Variants in CHD9NB observed in about 807,000 individuals in gnomAD.
The protein encoded by CHD9NB is CHD9 neighbor, also known as CHD9 neighbor protein.
At chr16:53,052,497 A>T in the CHD9NB span, among the ~76,000 whole-genome samples, 1 of 152,212 alleles carries the variant, frequency 6.6e-6, no homozygotes, top group South Asian at 2.1e-4. Context: ...AGATCTGTTG[A>T]TAACTCTGCA....
the CHD9NB span, among the ~76,000 whole-genome samples, chr16:53,038,460 G>A: frequency 1.3e-5 from 2 of 151,534 alleles, no homozygotes; most frequent in African/African-American, 4.9e-5. Context: ...CAATTCTCCT[G>A]CCTCAGCCTC....
the CHD9NB span, chr16:53,043,722 T>C: frequency 1.1e-5 from 3 of 274,130 alleles, no homozygotes; most frequent in Non-Finnish European, 1.4e-5. Flanking sequence ...GAGGCTTGTC[T>C]GCATCCAGAA....
At chr16:53,042,224 C>A in the CHD9NB span, among the ~76,000 whole-genome samples, 1 of 151,282 alleles carries the variant, frequency 6.6e-6, no homozygotes, top group Non-Finnish European at 1.5e-5. Flanking sequence ...TTCCTTCTCG[C>A]CCACCCTCTC....
chr16:53,038,864 G>C, the CHD9NB span, among the ~76,000 whole-genome samples: 1 of 152,162 alleles, frequency 6.6e-6, no homozygotes, highest in African/African-American at 2.4e-5. Context: ...GATTAAATGA[G>C]TTCTATATGT....
the CHD9NB span, among the ~76,000 whole-genome samples, chr16:53,041,950 GC>G: frequency 5.9e-5 from 9 of 152,276 alleles, no homozygotes; most frequent in Middle Eastern, 3.4e-3. Context: ...AGCTGACAGG[GC>G]CCCCATCCCT....
chr16:53,036,677 G>A, the CHD9NB span, among the ~76,000 whole-genome samples: 1 of 152,220 alleles, frequency 6.6e-6, no homozygotes, highest in East Asian at 1.9e-4. Context: ...GCTCTAGATT[G>A]ATGCCAAGCA....
At chr16:53,043,025 C>G in the CHD9NB span, 2 of 152,242 alleles carry the variant, frequency 1.3e-5, no homozygotes, top group African/African-American at 4.8e-5. Flanking sequence ...CAGAATTACA[C>G]CCACTCTTCT....
At chr16:53,041,482 A>T in the CHD9NB span, among the ~76,000 whole-genome samples, 21 of 152,230 alleles carry the variant, frequency 1.4e-4, no homozygotes, top group Admixed American at 1.2e-3. Context: ...AGAGAACTTG[A>T]ATTTAATTAA....
the CHD9NB span, among the ~76,000 whole-genome samples, chr16:53,039,979 GCAT>G: frequency 6.6e-6 from 1 of 152,094 alleles, no homozygotes; most frequent in East Asian, 1.9e-4. Context: ...TGACGTCCTA[GCAT>G]CATTCTTCTG....
the CHD9NB span, among the ~76,000 whole-genome samples, chr16:53,050,918 C>T: frequency 2.6e-5 from 4 of 151,156 alleles, no homozygotes; most frequent in African/African-American, 9.7e-5. Flanking sequence ...GACGGAGTCT[C>T]GCTCTGTCTC....
chr16:53,045,699 C>T, the CHD9NB span, among the ~76,000 whole-genome samples: 1 of 152,202 alleles, frequency 6.6e-6, no homozygotes, highest in African/African-American at 2.4e-5. Context: ...GCATACCGGC[C>T]TCGGGCACTT....
chr16:53,044,291 A>G, the CHD9NB span: 4 of 397,026 alleles, frequency 1.0e-5, no homozygotes, highest in South Asian at 1.4e-4. Flanking sequence ...TTCCGTTTCT[A>G]TGGCCACAAG....
At chr16:53,047,391 G>A in the CHD9NB span, 5 of 152,148 alleles carry the variant, frequency 3.3e-5, no homozygotes, top group Non-Finnish European at 7.3e-5. Context: ...AGACTGGGTG[G>A]CTTACACAAG....
At chr16:53,043,819 C>T in the CHD9NB span, 2 of 394,176 alleles carry the variant, frequency 5.1e-6, no homozygotes, top group Middle Eastern at 6.4e-4. Context: ...ATAGACTTAT[C>T]CTCCCCACCT....
chr16:53,049,221 G>A, the CHD9NB span, among the ~76,000 whole-genome samples: 10 of 151,972 alleles, frequency 6.6e-5, no homozygotes, highest in East Asian at 1.8e-3. Flanking sequence ...GAGCGATCAT[G>A]CATGGCTCAC....
At chr16:53,036,221 G>A in the CHD9NB span, among the ~76,000 whole-genome samples, 1 of 152,142 alleles carries the variant, frequency 6.6e-6, no homozygotes, top group Non-Finnish European at 1.5e-5. Context: ...CTTCATAAAT[G>A]TGCTGTCTCA....
At chr16:53,043,740 GAAAGTTCC>G in the CHD9NB span, 1 of 307,224 alleles carries the variant, frequency 3.3e-6, no homozygotes, top group Non-Finnish European at 5.9e-6. Context: ...GAAGTTGCAG[GAAAGTTCC>G]ACAACGTGTG....
chr16:53,050,776 C>A, the CHD9NB span, among the ~76,000 whole-genome samples: 15 of 152,046 alleles, frequency 9.9e-5, no homozygotes, highest in African/African-American at 3.4e-4. Context: ...GTCTCTTTGG[C>A]ATTTCTCCCT....
chr16:53,041,585 A>G, the CHD9NB span, among the ~76,000 whole-genome samples: 1 of 152,264 alleles, frequency 6.6e-6, no homozygotes, highest in East Asian at 1.9e-4. Flanking sequence ...TTGATTTGGT[A>G]AAAAGCTGAG....
Sources: allele counts gnomAD v4.1 joint callset (sites outside exome capture counted in the v4.1 genomes callset), GRCh38; gene constraint gnomAD v4.1.1; transcripts MANE v1.5; gene names NCBI Gene and HGNC (gene_info 2026-07-23, HGNC 2026-07-21).